Variants in STRBP observed in about 807,000 individuals in gnomAD.
The protein encoded by STRBP is spermatid perinuclear RNA binding protein.
A neutral mutation model predicts 80.1 loss-of-function variants in STRBP; 13 were observed. The observed-to-expected ratio is 0.16, with a 90% CI of 0.11 to 0.26. STRBP has a LOEUF of 0.26. STRBP is among the 10% of genes least tolerant of loss of function. The pLI is 1.00. For missense variants in STRBP, 485 were observed against 815.2 expected (o/e 0.59, Z 4.93); for synonymous variants, 284 against 291.2 (o/e 0.98, Z 0.25).
intron 4 of STRBP, among the ~76,000 whole-genome samples, chr9:123,174,888 C>T (rs551922631): frequency 6.6e-6 from 1 of 152,252 alleles, no homozygotes; most frequent in African/African-American, 2.4e-5. Flanking sequence ...AAAATAGTAA[C>T]TAAGTTTAAC....
Position 123,141,640 on chromosome 9 carries a change from T to C in STRBP, c.1339-1953A>G, listed in dbSNP as rs567558893. ...ACAGTCATCTTTTCTCGACTCAACA[T>C]AGACAATAAAAATAGGCTAATATAA... is the stretch of plus-strand genomic sequence containing the variant. On this transcript the variant is annotated intron_variant, in intron 13 of 18. Transcript: ENST00000348403. Among the ~76,000 whole-genome samples the C allele has an allele frequency of 3.3e-5, 5 of 152,314 alleles. No individual in the cohort carries two copies. The East Asian group carries it at 5.8e-4, about 18-fold the overall frequency.
intron 2 of STRBP, among the ~76,000 whole-genome samples, chr9:123,194,127 A>C (rs2039016374): frequency 6.6e-6 from 1 of 151,604 alleles, no homozygotes; most frequent in African/African-American, 2.4e-5. Context: ...TTAAATGTTC[A>C]TTCACTTCCT....
Position 123,147,792 on chromosome 9 carries a change from C to T in STRBP, c.1124G>A (p.Arg375Gln), listed in dbSNP as rs767462142. The change falls in exon 12 of 19, where the codon CGA (arginine) becomes CAA (glutamine). Residue 375 changes from arginine to glutamine, a missense_variant. Arg to Gln is a conservative substitution (Grantham distance 43, BLOSUM62 1). Transcript: ENST00000348403. ...DDKDPNKKMK[R>Q]NLRKILDSKA... ...GTTTTACACACTTTTCCTTAAGTTT[C>T]GTTTCATCTTCTTGTTGGGGTCTTT... 5.6e-6 allele frequency: 9 copies of T among 1,606,528 alleles called. 1 individual carries two copies. The highest frequency in any genetic ancestry group is 4.4e-5 in the South Asian group (4 of 90,290).
chr9:123,134,427 G>A (rs1370916933), intron 16 of STRBP, among the ~76,000 whole-genome samples: 1 of 152,026 alleles, frequency 6.6e-6, no homozygotes. Context: ...AGTATGAATG[G>A]GCAGGAGACA....
In STRBP at chr9:123,122,889, T is replaced by C. The variant is rs950079046; in HGVS notation, c.*2708A>G. On this transcript the variant is annotated 3_prime_UTR_variant, in exon 19 of 19. Coordinates refer to ENST00000348403, the MANE Select transcript of STRBP (RefSeq NM_018387.5). Reference sequence around the variant, plus strand: ...CTGTAAACTCCCTGACAAGAAACTATGCTAAAAAGGGGTTAAGTACAGATA... The same window carrying C: ...CTGTAAACTCCCTGACAAGAAACTACGCTAAAAAGGGGTTAAGTACAGATA... The C allele has an allele frequency of 3.0e-6, 3 of 985,538 alleles. No individual in the cohort carries two copies. The African/African-American group carries it at 5.2e-5, about 17-fold the overall frequency. 61.0% of individuals were successfully genotyped at this position (985,538 alleles called of 1,614,324 possible). A position where few individuals can be genotyped will look rare whatever the true frequency, so the allele number is the denominator to read the frequency against.
At chr9:123,162,967 G>A (rs750687050) in intron 6 of STRBP, among the ~76,000 whole-genome samples, 22 of 152,140 alleles carry the variant, frequency 1.4e-4, no homozygotes, top group Non-Finnish European at 2.5e-4. Flanking sequence ...ACAAACTACT[G>A]TAAATGAATG....
chr9:123,175,104 T>C (rs1229510703), intron 4 of STRBP, among the ~76,000 whole-genome samples: 1 of 152,196 alleles, frequency 6.6e-6, no homozygotes, highest in Non-Finnish European at 1.5e-5. Context: ...CAAGCCTCCA[T>C]TTGCAAGACA....
intron 5 of STRBP, among the ~76,000 whole-genome samples, chr9:123,171,080 T>C (rs936830385): frequency 3.3e-5 from 5 of 152,014 alleles, no homozygotes; most frequent in Admixed American, 2.0e-4. Flanking sequence ...AACCAGAATA[T>C]AAAGAAACTG....
At chr9:123,254,264 A>C (rs1163523733) in intron 1 of STRBP, among the ~76,000 whole-genome samples, 3 of 152,076 alleles carry the variant, frequency 2.0e-5, no homozygotes, top group Non-Finnish European at 4.4e-5. Flanking sequence ...GATCGAGACC[A>C]GTCTGGCTAA....
Position 123,114,034 on chromosome 9 carries a change from C to A in STRBP, c.*84+1895G>T, listed in dbSNP as rs1020306993. On this transcript the variant is annotated intron_variant and NMD_transcript_variant, in intron 3 of 3. Transcript: ENST00000471564. ...GCTTCCCATATATTTTCACATTTCA[C>A]CTCTTTAGAGGTGAGATTTGTGTAG... 7 of 167,218 alleles carry A rather than the reference C, an allele frequency of 4.2e-5. No individual in the cohort carries two copies. In the East Asian group the frequency reaches 7.7e-4, roughly 18 times the overall value. 10.4% of individuals were successfully genotyped at this position (167,218 alleles called of 1,614,324 possible).
At chr9:123,117,093 GCCA>G (rs1256652622), downstream of STRBP, among the ~76,000 whole-genome samples, 1 of 152,124 alleles carries the variant, frequency 6.6e-6, no homozygotes, top group Non-Finnish European at 1.5e-5. Flanking sequence ...TTCTCCAAGG[GCCA>G]CCAGTACAGC....
At chr9:123,230,863 A>C (rs1250113275) in intron 2 of STRBP, among the ~76,000 whole-genome samples, 2 of 152,198 alleles carry the variant, frequency 1.3e-5, no homozygotes, top group African/African-American at 2.4e-5. Flanking sequence ...AAGCGTACAC[A>C]CTTTTTTAAA....
At chr9:123,242,967 C>T (rs1300939445) in intron 1 of STRBP, among the ~76,000 whole-genome samples, 1 of 152,062 alleles carries the variant, frequency 6.6e-6, no homozygotes, top group East Asian at 1.9e-4. Flanking sequence ...CATAACCAAA[C>T]TTATTCTAAA....
chr9:123,254,456 C>CAAAAAAAAAAAA (rs1205708821), intron 1 of STRBP, among the ~76,000 whole-genome samples: 1 of 65,728 alleles, frequency 1.5e-5, no homozygotes, highest in Non-Finnish European at 4.5e-5. Context: ...GACTCCGTCT[C>CAAAAAAAAAAAA]AAAAAAAAAA....
intron 5 of STRBP, among the ~76,000 whole-genome samples, chr9:123,172,042 CT>C (rs1299733719): frequency 6.6e-6 from 1 of 152,188 alleles, no homozygotes; most frequent in African/African-American, 2.4e-5. Context: ...CCAACTAAAG[CT>C]TGGCCCAATC....
Position 123,125,316 on chromosome 9 carries a change from A to T in STRBP, c.*281T>A. On this transcript the variant is annotated 3_prime_UTR_variant, in exon 19 of 19. Transcript: ENST00000348403. Reference sequence around the variant, plus strand: ...AATCTGATACGTCTCTTAAAACTTAAACTTTGAACTGCTAGACTTTTATTT... The same window carrying T: ...AATCTGATACGTCTCTTAAAACTTATACTTTGAACTGCTAGACTTTTATTT... 1 of 1,103,952 alleles carries T rather than the reference A, an allele frequency of 9.1e-7. No homozygotes were observed. The highest frequency in any genetic ancestry group is 1.1e-6 in the Non-Finnish European group (1 of 906,940). The allele number at this position is 1,103,952 out of a possible 1,614,324, so 68.4% of individuals were successfully genotyped here.
chr9:123,220,995 G>C (rs373517267), intron 2 of STRBP, among the ~76,000 whole-genome samples: 2 of 152,100 alleles, frequency 1.3e-5, no homozygotes, highest in African/African-American at 4.8e-5. Context: ...ATAAAATAGA[G>C]ACGTTTGTTT....
chr9:123,223,187 T>C (rs2040127100), intron 2 of STRBP, among the ~76,000 whole-genome samples: 1 of 152,092 alleles, frequency 6.6e-6, no homozygotes, highest in South Asian at 2.1e-4. Context: ...AATAAAAATA[T>C]CAATAGTTGC....
chr9:123,258,565 AGGCCAAGGCGGGC>A (rs2041086322), intron 1 of STRBP, among the ~76,000 whole-genome samples: 1 of 152,220 alleles, frequency 6.6e-6, no homozygotes, highest in Non-Finnish European at 1.5e-5. Flanking sequence ...GCACTTTGGG[AGGCCAAGGCGGGC>A]GGATCACGAG....
Sources: gnomAD v4.1 joint callset for allele counts (sites outside exome capture counted in the v4.1 genomes callset) on GRCh38, gnomAD v4.1.1 for gene constraint, MANE v1.5 for transcripts, NCBI Gene and HGNC (gene_info 2026-07-23, HGNC 2026-07-21) for gene names.